Variants in RAI2 observed in about 807,000 individuals in gnomAD.
The protein encoded by RAI2 is retinoic acid-induced protein 2.
A neutral mutation model predicts 15.3 loss-of-function variants in RAI2; 5 were observed. The ratio of observed to expected loss-of-function variants is 0.33; its 90% confidence interval spans 0.17 to 0.69. The LOEUF (loss-of-function observed/expected upper bound fraction) is 0.69. Among genes scored for constraint, RAI2 ranks in the 30% least tolerant of loss-of-function variants. The pLI is 0.69. For synonymous variants in RAI2, 191 were observed against 184.0 expected, an observed-to-expected ratio of 1.04 and a Z score of -0.31; for missense variants, 424 against 424.7, an observed-to-expected ratio of 1.00 and a Z score of 0.01.
intron 1 of RAI2, among the ~76,000 whole-genome samples, chrX:17,844,457 G>T (rs1048979268): frequency 8.9e-6 from 1 of 112,795 alleles, no homozygotes; most frequent in African/African-American, 3.2e-5. Flanking sequence ...CTTTGGCCCA[G>T]GTGGTGCCAA....
intron 1 of RAI2, among the ~76,000 whole-genome samples, chrX:17,807,037 T>TG (rs2066988605): frequency 9.0e-6 from 1 of 111,452 alleles, no homozygotes; most frequent in African/African-American, 3.3e-5. Context: ...AACCATATCA[T>TG]GGGGTCACAG....
At chrX:17,812,071 A>G (rs773012731) in intron 1 of RAI2, among the ~76,000 whole-genome samples, 1 of 112,053 alleles carries the variant, frequency 8.9e-6, no homozygotes, top group South Asian at 3.8e-4. Context: ...TGGTACCATC[A>G]TCAATGTCAT....
intron 1 of RAI2, among the ~76,000 whole-genome samples, chrX:17,807,561 T>A (rs1466507820): frequency 1.8e-5 from 2 of 111,575 alleles, no homozygotes; most frequent in African/African-American, 6.5e-5. Context: ...ATGAGTAAGC[T>A]GCAACTCAAA....
intron 1 of RAI2, among the ~76,000 whole-genome samples, chrX:17,835,288 G>A (rs1271399341): frequency 8.9e-6 from 1 of 112,215 alleles, no homozygotes; most frequent in Non-Finnish European, 1.9e-5. Context: ...AGCATGGTGC[G>A]GGATCAGACG....
intron 1 of RAI2, among the ~76,000 whole-genome samples, chrX:17,814,244 C>A (rs1320839125): frequency 9.5e-6 from 1 of 105,507 alleles, no homozygotes; most frequent in Non-Finnish European, 1.9e-5. Flanking sequence ...TGTTTATTCA[C>A]CCGCCCCCAT....
intron 1 of RAI2, among the ~76,000 whole-genome samples, chrX:17,806,726 A>C (rs1438644406): frequency 1.8e-5 from 2 of 111,268 alleles, no homozygotes; most frequent in African/African-American, 6.6e-5. Context: ...TGGGTAATTT[A>C]TTATTAAGAA....
chrX:17,811,125 C>T lies in RAI2; in HGVS notation c.-24-9091G>A, dbSNP rs138166482. 4.8e-3 allele frequency among the ~76,000 whole-genome samples: 541 copies of T among 112,605 alleles called. 4 individuals carry two copies. The highest frequency in any genetic ancestry group is 0.016 in the African/African-American group (502 of 30,999). The stretch of plus-strand genomic sequence containing the variant: ...GCAAGGATCTCTCTAAGGAAAGGAA[C>T]AAATGTATATTTTCTAGAGATGGCT... On this transcript the variant is annotated intron_variant, in intron 1 of 1. Transcript: ENST00000451717.
intron 1 of RAI2, among the ~76,000 whole-genome samples, chrX:17,806,130 G>A (rs1363253266): frequency 9.0e-6 from 1 of 111,152 alleles, no homozygotes; most frequent in African/African-American, 3.3e-5. Flanking sequence ...TGAATTGTGG[G>A]TTCAAAGGGT....
chrX:17,859,968 G>C (rs1221152174), intron 1 of RAI2, among the ~76,000 whole-genome samples: 1 of 112,321 alleles, frequency 8.9e-6, no homozygotes. Context: ...TTTTTCCTTG[G>C]AAAACTGGGC....
chrX:17,853,455 TGTCCCAGAG>T (rs2067561360), intron 1 of RAI2, among the ~76,000 whole-genome samples: 1 of 112,003 alleles, frequency 8.9e-6, no homozygotes. Flanking sequence ...GGGCTAATTT[TGTCCCAGAG>T]GGGACATTTG....
chrX:17,842,574 T>G (rs1208720773), intron 1 of RAI2, among the ~76,000 whole-genome samples: 3 of 108,462 alleles, frequency 2.8e-5, no homozygotes, highest in Non-Finnish European at 5.7e-5. Flanking sequence ...GGCAAAGTTT[T>G]GAGAAAATCA....
intron 1 of RAI2, among the ~76,000 whole-genome samples, chrX:17,834,587 C>T (rs1040977250): frequency 2.7e-5 from 3 of 110,374 alleles, no homozygotes; most frequent in Admixed American, 9.8e-5. Flanking sequence ...TAATTTGACT[C>T]GCTTTACTTT....
intron 1 of RAI2, among the ~76,000 whole-genome samples, chrX:17,824,202 C>T (rs1029508208): frequency 8.9e-6 from 1 of 112,420 alleles, no homozygotes; most frequent in Non-Finnish European, 1.9e-5. Flanking sequence ...CATTCATATC[C>T]ACTGACCTAG....
rs1383983030 is a variant in RAI2, at chrX:17,855,754, T to A, written c.-25+5344A>T. ...TATGTAATTTAAATTTTTTTTGTAGTCACATTTAAAAAAATAAAAGAAGCC... is the reference window on the plus strand; with the variant it reads ...TATGTAATTTAAATTTTTTTTGTAGACACATTTAAAAAAATAAAAGAAGCC... On this transcript the variant is annotated intron_variant, in intron 1 of 1. Coordinates refer to ENST00000451717, the MANE Select transcript of RAI2 (RefSeq NM_021785.6). Among the ~76,000 whole-genome samples the A allele has an allele frequency of 5.4e-5, 6 of 112,080 alleles. No individual in the cohort carries two copies. The East Asian group carries it at 1.7e-3, about 31-fold the overall frequency.
In RAI2 at chrX:17,852,755, T is replaced by C. The variant is rs2067551406; in HGVS notation, c.-25+8343A>G. On this transcript the variant is annotated intron_variant, in intron 1 of 1. Coordinates refer to ENST00000451717, the MANE Select transcript of RAI2 (RefSeq NM_021785.6). ...TAGGCATTACCAGGTGCTAGCTGCC[T>C]GAAGGAGAATTGCTTCAAGGAAACA... Among the ~76,000 whole-genome samples, 4 of 112,158 alleles carry C rather than the reference T, an allele frequency of 3.6e-5. No individual in the cohort carries two copies. The Admixed American group carries it at 3.8e-4, about 11-fold the overall frequency.
intron 1 of RAI2, among the ~76,000 whole-genome samples, chrX:17,844,246 T>C (rs770718463): frequency 8.9e-6 from 1 of 112,632 alleles, no homozygotes; most frequent in African/African-American, 3.2e-5. Flanking sequence ...ATACTCTCAT[T>C]TGGAAGTTGG....
intron 1 of RAI2, among the ~76,000 whole-genome samples, chrX:17,858,337 C>T (rs1335503836): frequency 2.7e-5 from 3 of 112,082 alleles, no homozygotes; most frequent in Non-Finnish European, 5.6e-5. Flanking sequence ...GAAGGTTTAC[C>T]ACATGTGAAG....
At position 17,817,025 on chromosome X, in the gene RAI2, G is replaced by A. The variant is rs1370458093; in HGVS notation, c.-24-14991C>T. On this transcript the variant is annotated intron_variant, in intron 1 of 1. Coordinates refer to ENST00000451717, the MANE Select transcript of RAI2 (RefSeq NM_021785.6). ...ACAGGATGGAAGGGCCTGCATGCCT[G>A]AATCACGGCTTGCAGGGGGAAGGGC... Among the ~76,000 whole-genome samples, 4 of 111,770 alleles carry A rather than the reference G, an allele frequency of 3.6e-5. No individual in the cohort carries two copies. The East Asian group carries it at 1.1e-3, about 32-fold the overall frequency.
intron 1 of RAI2, among the ~76,000 whole-genome samples, chrX:17,803,467 G>A (rs905228532): frequency 9.1e-6 from 1 of 110,380 alleles, no homozygotes; most frequent in African/African-American, 3.3e-5. Context: ...GGAGGCGGAG[G>A]TTGCAGTGAG....
Sources: gnomAD v4.1 joint callset for allele counts (sites outside exome capture counted in the v4.1 genomes callset) on GRCh38, gnomAD v4.1.1 for gene constraint, MANE v1.5 for transcripts, NCBI Gene and HGNC (gene_info 2026-07-23, HGNC 2026-07-21) for gene names.